CCDC30: variants seen among roughly 807,000 people sequenced by gnomAD.
CCDC30 encodes coiled-coil domain containing 30, also known as coiled-coil domain-containing protein 30.
CCDC30 carries 70 observed loss-of-function variants against 100.2 expected under a neutral mutation model. That is an observed-to-expected ratio of 0.70 (90% CI 0.58 to 0.85). The LOEUF (loss-of-function observed/expected upper bound fraction) is 0.85. Among genes scored for constraint, CCDC30 ranks in the 40% least tolerant of loss-of-function variants. The pLI, the probability that CCDC30 is intolerant of heterozygous loss-of-function variation, is 0.00. For synonymous variants in CCDC30, 233 were observed against 269.5 expected, an observed-to-expected ratio of 0.86 and a Z score of 1.33; for missense variants, 652 against 771.2, an observed-to-expected ratio of 0.85 and a Z score of 1.83.
rs200316760 is a variant in CCDC30 at position 42,479,564 on chromosome 1, CT to C, written c.-91-895del. 1.6e-4 allele frequency among the ~76,000 whole-genome samples: 13 copies of C among 81,336 alleles called. 1 individual carries two copies. Among genetic ancestry groups the C allele is most frequent in the Non-Finnish European group, 2.5e-4 (10 of 40,022 alleles). 53.4% of individuals were successfully genotyped at this position (81,336 alleles called of 152,430 possible). A position where few individuals can be genotyped will look rare whatever the true frequency, so the allele number is the denominator to read the frequency against. On this transcript the variant is annotated intron_variant, in intron 1 of 16. Transcript: ENST00000668663. ...TGGAACAATTAGATATAGACATATG[CT>C]TAAAAAAAAAAAAAAAAGCCTCCCA...
At chr1:42,457,511 T>A in the CCDC30 span, 1 of 642,224 alleles carries the variant, frequency 1.6e-6, no homozygotes. Flanking sequence ...CACAATCTAG[T>A]GAGGGAGCTG....
At chr1:42,645,802 T>C (rs760458751) in intron 14 of CCDC30, among the ~76,000 whole-genome samples, 1 of 152,236 alleles carries the variant, frequency 6.6e-6, no homozygotes, top group Non-Finnish European at 1.5e-5. Flanking sequence ...ATTCATTCAA[T>C]GAATACTTAT....
At chr1:42,460,138 A>G (rs1643371567), upstream of CCDC30, 31 of 1,291,142 alleles carry the variant, frequency 2.4e-5, no homozygotes, top group Admixed American at 3.7e-5. Flanking sequence ...ACTGTTAATC[A>G]CCTTTAAAAA....
intron 6 of CCDC30, among the ~76,000 whole-genome samples, chr1:42,520,978 CT>C (rs35261350): frequency 3.6e-4 from 48 of 133,282 alleles, no homozygotes; most frequent in African/African-American, 3.9e-4. Flanking sequence ...TTTCTTTTTT[CT>C]TTTTTTTTTT....
intron 12 of CCDC30, among the ~76,000 whole-genome samples, chr1:42,639,919 T>C (rs896972144): frequency 2.0e-5 from 3 of 150,438 alleles, no homozygotes; most frequent in African/African-American, 7.4e-5. Flanking sequence ...TGAGCCAAGA[T>C]TGCACCATTG....
downstream of CCDC30, among the ~76,000 whole-genome samples, chr1:42,657,164 T>A (rs376531725): frequency 2.0e-5 from 3 of 152,332 alleles, no homozygotes; most frequent in Admixed American, 6.5e-5. Flanking sequence ...AATAACTATT[T>A]TATTAAATGC....
the CCDC30 span, chr1:42,456,450 AAAG>A: frequency 8.0e-6 from 9 of 1,129,244 alleles, no homozygotes; most frequent in South Asian, 1.0e-4. Context: ...CCTAGTGTCA[AAAG>A]AAGGGTAGTG....
At position 42,646,376 on chromosome 1, in the gene CCDC30, A is replaced by G. The variant is rs1415355949; in HGVS notation, c.1854+59A>G. Reference sequence around the variant, plus strand: ...CTTCCCCACATTCTGCCAGGCACCCACTGTTTGGAAAATCTCTCAACTTAT... The same window carrying G: ...CTTCCCCACATTCTGCCAGGCACCCGCTGTTTGGAAAATCTCTCAACTTAT... On this transcript the variant is annotated intron_variant, in intron 15 of 16. Transcript: ENST00000668663. 8 of 1,336,346 alleles carry G rather than the reference A, an allele frequency of 6.0e-6. No individual in the cohort carries two copies. In the East Asian group the frequency reaches 8.7e-5, roughly 14 times the overall value. 82.8% of individuals were successfully genotyped at this position (1,336,346 alleles called of 1,614,324 possible).
chr1:42,534,946 A>G (rs1308177955), intron 6 of CCDC30: 1 of 152,114 alleles, frequency 6.6e-6, no homozygotes, highest in Non-Finnish European at 1.5e-5. Context: ...TAGAAGAGAA[A>G]CCAGTACAAA....
chr1:42,463,266 T>C (rs538597585), upstream of CCDC30: 3 of 152,364 alleles, frequency 2.0e-5, no homozygotes, highest in South Asian at 2.1e-4. Context: ...CGCGTCTGCG[T>C]CTCTGCGGCG....
chr1:42,581,335 A>C, intron 8 of CCDC30, 25 bp from the exon 13 acceptor site: 1 of 1,578,286 alleles, frequency 6.3e-7, no homozygotes, highest in Non-Finnish European at 8.6e-7. Flanking sequence ...TTAATGCTTT[A>C]CTTGTAAATG....
At chr1:42,573,882 A>G (rs1645783199) in intron 7 of CCDC30, among the ~76,000 whole-genome samples, 1 of 152,130 alleles carries the variant, frequency 6.6e-6, no homozygotes, top group South Asian at 2.1e-4. Context: ...GGTTTTTTAA[A>G]AATTTTAATC....
intron 8 of CCDC30, among the ~76,000 whole-genome samples, chr1:42,579,644 G>C (rs1006305410): frequency 2.7e-5 from 4 of 150,730 alleles, no homozygotes; most frequent in Admixed American, 2.6e-4. Context: ...CAAAAAGAGA[G>C]AGAGAGAGAA....
At chr1:42,581,641 C>G (rs375154434) in intron 9 of CCDC30, 127 bp downstream of exon 13, 2 of 771,906 alleles carry the variant, frequency 2.6e-6, no homozygotes, top group East Asian at 5.6e-5. Flanking sequence ...TAAACTCAGC[C>G]ACACACAATT....
chr1:42,475,677 A>G (rs538063333), intron 1 of CCDC30, among the ~76,000 whole-genome samples: 113 of 152,328 alleles, frequency 7.4e-4, no homozygotes, highest in Non-Finnish European at 1.2e-3. Context: ...TTAAAAAAGT[A>G]TGTATTCTGA....
the CCDC30 span, chr1:42,457,115 C>T: frequency 6.3e-7 from 1 of 1,575,822 alleles, no homozygotes; most frequent in Non-Finnish European, 8.6e-7. Context: ...GAAGCACAGC[C>T]TTTCTTTCCA....
chr1:42,562,712 A>T (rs1435765626), intron 6 of CCDC30, among the ~76,000 whole-genome samples: 1 of 152,242 alleles, frequency 6.6e-6, no homozygotes, highest in African/African-American at 2.4e-5. Context: ...TACCTATCTG[A>T]CAAAGGTCTA....
At chr1:42,567,047 T>TAAA (rs957962273) in intron 7 of CCDC30, among the ~76,000 whole-genome samples, 98 of 152,300 alleles carry the variant, frequency 6.4e-4, no homozygotes, top group African/African-American at 2.2e-3. Flanking sequence ...TTCAATTCTG[T>TAAA]AAATATACAT....
intron 1 of CCDC30, chr1:42,468,764 A>G (rs1643670847): frequency 6.6e-6 from 1 of 152,198 alleles, no homozygotes; most frequent in South Asian, 2.1e-4. Flanking sequence ...ATAAAAATTT[A>G]AAGAAGTTAC....
Sources: allele counts gnomAD v4.1 joint callset (sites outside exome capture counted in the v4.1 genomes callset), GRCh38; gene constraint gnomAD v4.1.1; transcripts MANE v1.5; gene names NCBI Gene and HGNC (gene_info 2026-07-23, HGNC 2026-07-21).